Variants in CACNA1C observed in about 807,000 individuals in gnomAD.
CACNA1C encodes the protein calcium voltage-gated channel subunit alpha1 C.
In CACNA1C, 30 loss-of-function variants were observed where a neutral mutation model predicts 229.0. The observed-to-expected ratio is 0.13, with a 90% CI of 0.10 to 0.18. CACNA1C has a LOEUF of 0.18. CACNA1C is among the 10% of genes least tolerant of loss of function. CACNA1C has a pLI of 1.00. For missense variants in CACNA1C, 1,658 were observed against 2,845.0 expected, an observed-to-expected ratio of 0.58 and a Z score of 9.49; for synonymous variants, 1,114 against 1,132.5, an observed-to-expected ratio of 0.98 and a Z score of 0.33.
At chr12:2,309,661 A>G (rs2095312216) in intron 3 of CACNA1C, among the ~76,000 whole-genome samples, 1 of 152,248 alleles carries the variant, frequency 6.6e-6, no homozygotes, top group Non-Finnish European at 1.5e-5. Flanking sequence ...AACTATAGCT[A>G]TATTTAAACT....
chr12:2,299,903 G>A (rs2094419631), intron 3 of CACNA1C, among the ~76,000 whole-genome samples: 1 of 152,190 alleles, frequency 6.6e-6, no homozygotes, highest in African/African-American at 2.4e-5. Context: ...CTTCCTAAGA[G>A]TGTTTCGAGG....
chr12:2,551,115 G>C (rs1599756190), intron 10 of CACNA1C, among the ~76,000 whole-genome samples: 1 of 152,348 alleles, frequency 6.6e-6, no homozygotes, highest in Non-Finnish European at 1.5e-5. Context: ...TCTAGGGAAA[G>C]GCCTATAGGA....
intron 3 of CACNA1C, among the ~76,000 whole-genome samples, chr12:2,230,197 C>T (rs982382178): frequency 1.1e-4 from 17 of 152,230 alleles, no homozygotes; most frequent in South Asian, 2.1e-4. Flanking sequence ...GGGCTGCTGC[C>T]GAGCTCCGCA....
In CACNA1C at chr12:2,317,591, A is replaced by G. The variant is rs142300178; in HGVS notation, c.478-131385A>G. On this transcript the variant is annotated intron_variant, in intron 3 of 46. Coordinates refer to ENST00000399655, the MANE Select transcript of CACNA1C (RefSeq NM_000719.7). ...CAGTTGCAGAGCAATTTGAGTGTAT[A>G]TAACACTCCTGAACCACATACTTAT... 3.9e-5 allele frequency among the ~76,000 whole-genome samples: 6 copies of G among 152,338 alleles called. No individual in the cohort carries two copies. The East Asian group carries it at 9.6e-4, about 24-fold the overall frequency.
chr12:2,675,082 C>T (rs2096736265), intron 39 of CACNA1C, among the ~76,000 whole-genome samples: 1 of 152,140 alleles, frequency 6.6e-6, no homozygotes, highest in Admixed American at 6.5e-5. Flanking sequence ...TTTGTTCTTC[C>T]AAGAGCAGTG....
intron 1 of CACNA1C, among the ~76,000 whole-genome samples, chr12:1,986,139 T>C (rs2037703158): frequency 6.6e-6 from 1 of 152,260 alleles, no homozygotes; most frequent in South Asian, 2.1e-4. Context: ...AAGGTGTTTA[T>C]GTCTGCCCTA....
At chr12:2,042,491 C>T (rs1220173600) in intron 1 of CACNA1C, among the ~76,000 whole-genome samples, 4 of 152,100 alleles carry the variant, frequency 2.6e-5, no homozygotes, top group Non-Finnish European at 5.9e-5. Flanking sequence ...TTTACATGAT[C>T]GAAGGGATAT....
At chr12:2,611,781 G>A (rs2153455319) in intron 28 of CACNA1C, 122 bp from the exon 29 acceptor site, 3 of 631,476 alleles carry the variant, frequency 4.8e-6, no homozygotes, top group East Asian at 5.5e-5. Context: ...GCGGCCCTCT[G>A]GGGGTTTGGT....
At chr12:2,292,602 G>A (rs1005757545) in intron 3 of CACNA1C, among the ~76,000 whole-genome samples, 8 of 152,176 alleles carry the variant, frequency 5.3e-5, no homozygotes, top group African/African-American at 1.7e-4. Flanking sequence ...ATCAACAGAC[G>A]TTTACTAAAT....
At chr12:2,316,096 C>T (rs1252065303) in intron 3 of CACNA1C, among the ~76,000 whole-genome samples, 2 of 152,260 alleles carry the variant, frequency 1.3e-5, no homozygotes, top group Non-Finnish European at 2.9e-5. Context: ...GGGTCCCATG[C>T]TCCACCCAGG....
At chr12:2,151,930 C>T (rs2095295676) in intron 3 of CACNA1C, among the ~76,000 whole-genome samples, 1 of 152,202 alleles carries the variant, frequency 6.6e-6, no homozygotes, top group Admixed American at 6.5e-5. Flanking sequence ...AGAGTATCCT[C>T]TGGGAGATCT....
At chr12:2,684,932 G>A (rs1229776971) in intron 43 of CACNA1C, among the ~76,000 whole-genome samples, 1 of 152,196 alleles carries the variant, frequency 6.6e-6, no homozygotes, top group African/African-American at 2.4e-5. Flanking sequence ...GGTGGCACCA[G>A]GGACCAGTGA....
At chr12:2,301,161 C>T (rs971234521) in intron 3 of CACNA1C, among the ~76,000 whole-genome samples, 18 of 152,282 alleles carry the variant, frequency 1.2e-4, no homozygotes, top group African/African-American at 3.4e-4. Context: ...CTGCAGGAGG[C>T]GCTTGGCCCC....
At chr12:2,606,552 C>T in intron 24 of CACNA1C, 59 bp from the exon 25 acceptor site, 1 of 1,408,522 alleles carries the variant, frequency 7.1e-7, no homozygotes, top group Non-Finnish European at 9.9e-7. Flanking sequence ...TCACTAATTG[C>T]TTTTGGATTG....
At position 2,400,177 on chromosome 12, in the gene CACNA1C, C is replaced by A. The variant is rs1016897006; in HGVS notation, c.478-48799C>A. Among the ~76,000 whole-genome samples, 130 of 152,322 alleles carry A rather than the reference C, an allele frequency of 8.5e-4. 2 individuals carry two copies. The highest frequency in any genetic ancestry group is 2.7e-3 in the African/African-American group (112 of 41,566). On this transcript the variant is annotated intron_variant, in intron 3 of 46. Coordinates refer to ENST00000399655, the MANE Select transcript of CACNA1C (RefSeq NM_000719.7). Reference sequence around the variant, plus strand: ...TAAATCCATTTTACACAGCTAAGAACTGAGGCTCGGGAAAGTTAAATAACA... The same window carrying A: ...TAAATCCATTTTACACAGCTAAGAAATGAGGCTCGGGAAAGTTAAATAACA...
chr12:2,017,636 T>A (rs531284663), intron 1 of CACNA1C, among the ~76,000 whole-genome samples: 1 of 150,634 alleles, frequency 6.6e-6, no homozygotes, highest in Admixed American at 6.6e-5. Context: ...GTAAGCATGG[T>A]TTCAGTCAAT....
At chr12:2,642,462 G>C (rs559930341) in intron 30 of CACNA1C, among the ~76,000 whole-genome samples, 2 of 152,172 alleles carry the variant, frequency 1.3e-5, no homozygotes, top group African/African-American at 4.8e-5. Context: ...TTTCCAGAAA[G>C]CTCGTAAAGC....
chr12:2,263,561 A>G lies in CACNA1C; in HGVS notation c.477+143131A>G, dbSNP rs938919724. Reference sequence around the variant, plus strand: ...GTTGGTAGAAGTGTGACGGTCAGTCAGGAGGCTGGATCAGTAATCCAAGAG... The same window carrying G: ...GTTGGTAGAAGTGTGACGGTCAGTCGGGAGGCTGGATCAGTAATCCAAGAG... On this transcript the variant is annotated intron_variant, in intron 3 of 46. Transcript: ENST00000399655. Among the ~76,000 whole-genome samples, 6 of 152,102 alleles carry G rather than the reference A, an allele frequency of 3.9e-5. No individual in the cohort carries two copies. The East Asian group carries it at 1.2e-3, about 29-fold the overall frequency.
intron 9 of CACNA1C, among the ~76,000 whole-genome samples, chr12:2,515,492 G>A (rs1396079367): frequency 6.6e-6 from 1 of 152,170 alleles, no homozygotes; most frequent in African/African-American, 2.4e-5. Context: ...TAATATCTTA[G>A]CCTTTGAAAT....
Sources: gnomAD v4.1 joint callset for allele counts (sites outside exome capture counted in the v4.1 genomes callset) on GRCh38, gnomAD v4.1.1 for gene constraint, MANE v1.5 for transcripts, NCBI Gene and HGNC (gene_info 2026-07-23, HGNC 2026-07-21) for gene names.